FLI1: variants seen among roughly 807,000 people sequenced by gnomAD.
The protein encoded by FLI1 is Fli-1 proto-oncogene, ETS transcription factor.
In FLI1, 13 loss-of-function variants were observed where a neutral mutation model predicts 53.1. The ratio of observed to expected loss-of-function variants is 0.24; its 90% CI spans 0.16 to 0.39. The LOEUF is 0.39. FLI1 is among the 10% of genes least tolerant of loss of function. FLI1 has a pLI of 1.00. For missense variants in FLI1, 424 were observed against 600.5 expected (o/e 0.71, Z 3.07); for synonymous variants, 244 against 236.7 (o/e 1.03, Z -0.28).
intron 2 of FLI1, among the ~76,000 whole-genome samples, chr11:128,762,339 C>A (rs1417611349): frequency 6.6e-6 from 1 of 152,086 alleles, no homozygotes; most frequent in Non-Finnish European, 1.5e-5. Context: ...ATGAGAAAAC[C>A]AAGGCAGGGT....
At chr11:128,717,811 C>T (rs1682281509) in intron 1 of FLI1, among the ~76,000 whole-genome samples, 5 of 152,212 alleles carry the variant, frequency 3.3e-5, no homozygotes, top group African/African-American at 1.2e-4. Context: ...AAGATGTGGT[C>T]TACTACCTCT....
intron 4 of FLI1, among the ~76,000 whole-genome samples, chr11:128,776,942 T>G (rs571082687): frequency 1.3e-5 from 2 of 151,550 alleles, no homozygotes; most frequent in East Asian, 3.9e-4. Flanking sequence ...TTTTCTGTTG[T>G]CATTTGTACC....
At chr11:128,789,652 G>T (rs921076427) in intron 5 of FLI1, among the ~76,000 whole-genome samples, 1 of 152,206 alleles carries the variant, frequency 6.6e-6, no homozygotes, top group Non-Finnish European at 1.5e-5. Flanking sequence ...ATGCGCTCCC[G>T]GGTGCAGTAC....
chr11:128,731,736 G>A (rs1330209176), intron 1 of FLI1, among the ~76,000 whole-genome samples: 1 of 152,186 alleles, frequency 6.6e-6, no homozygotes. Context: ...GGGCGCAGCG[G>A]CTCAGGCCTG....
intron 1 of FLI1, among the ~76,000 whole-genome samples, chr11:128,737,515 C>T (rs893387613): frequency 6.6e-6 from 1 of 152,186 alleles, no homozygotes; most frequent in African/African-American, 2.4e-5. Flanking sequence ...AAACCATGAA[C>T]TCATCTGTGA....
At chr11:128,722,559 T>A (rs1194320701) in intron 1 of FLI1, among the ~76,000 whole-genome samples, 2 of 152,202 alleles carry the variant, frequency 1.3e-5, no homozygotes, top group Non-Finnish European at 2.9e-5. Context: ...ATCTTACCAT[T>A]TTTAACCTGT....
Position 128,786,831 on chromosome 11 carries a change from A to G in FLI1, c.655+4808A>G, listed in dbSNP as rs78513623. Among the ~76,000 whole-genome samples, 1,438 of 152,326 alleles carry G rather than the reference A, an allele frequency of 9.4e-3. 18 individuals carry two copies. Among genetic ancestry groups the G allele is most frequent in the African/African-American group, 0.033 (1,369 of 41,554 alleles). On this transcript the variant is annotated intron_variant, in intron 5 of 8. Transcript: ENST00000527786. ...TCTGTTTAAATACCTCTGACTTTCC[A>G]AAAGACAGAGGATATTGAGTTCCTT...
At chr11:128,687,845 G>A (rs955538236) in intron 1 of FLI1, among the ~76,000 whole-genome samples, 1 of 152,334 alleles carries the variant, frequency 6.6e-6, no homozygotes, top group East Asian at 1.9e-4. Context: ...GGCCCAAAAA[G>A]GGGTGTTTCA....
chr11:128,725,543 C>A (rs1357789417), intron 1 of FLI1, among the ~76,000 whole-genome samples: 1 of 152,208 alleles, frequency 6.6e-6, no homozygotes, highest in Admixed American at 6.5e-5. Context: ...GTCTAGGAAC[C>A]TTTCACCAAC....
intron 5 of FLI1, among the ~76,000 whole-genome samples, chr11:128,795,946 G>A (rs1942429369): frequency 6.6e-6 from 1 of 152,048 alleles, no homozygotes; most frequent in African/African-American, 2.4e-5. Flanking sequence ...TTAAATTTAG[G>A]AATAATCACA....
At position 128,772,897 on chromosome 11, in the gene FLI1, G is replaced by A. The variant is rs1941616423; in HGVS notation, c.501G>A (p.Leu167=). The part of the protein sequence containing the change: ...SFFQNMDGKE[L]CKMNKEDFLR... ...TCCAGAACATGGATGGCAAGGAACT[G>A]TGTAAAATGAACAAGGAGGACTTCC... Residue 167 remains leucine, a synonymous_variant, in exon 4 of 9, where the codon CTG becomes CTA. Coordinates refer to ENST00000527786, the MANE Select transcript of FLI1 (RefSeq NM_002017.5). The A allele has an allele frequency of 6.2e-7, 1 of 1,614,048 alleles. No individual in the cohort carries two copies. Among genetic ancestry groups the A allele is most frequent in the Non-Finnish European group, 8.5e-7 (1 of 1,179,872 alleles).
At chr11:128,732,777 A>G (rs1156444249) in intron 1 of FLI1, among the ~76,000 whole-genome samples, 1 of 152,246 alleles carries the variant, frequency 6.6e-6, no homozygotes. Context: ...CTAGTTACCA[A>G]AAAAGAAAGA....
intron 1 of FLI1, among the ~76,000 whole-genome samples, chr11:128,751,830 G>T (rs796332470): frequency 0.074 from 9,906 of 133,280 alleles, 685 homozygotes; most frequent in East Asian, 0.28. Flanking sequence ...TTTTGGGTTT[G>T]TTTTTTTTTT....
chr11:128,767,608 C>T (rs1941393948), intron 2 of FLI1, among the ~76,000 whole-genome samples: 1 of 152,228 alleles, frequency 6.6e-6, no homozygotes, highest in African/African-American at 2.4e-5. Flanking sequence ...ATTTGCTGCT[C>T]ACCTCCTGTA....
intron 1 of FLI1, among the ~76,000 whole-genome samples, chr11:128,714,583 C>A (rs1414681338): frequency 6.6e-6 from 1 of 152,110 alleles, no homozygotes; most frequent in Non-Finnish European, 1.5e-5. Flanking sequence ...GTTCCCTTTA[C>A]CTCATTATTA....
At chr11:128,798,084 C>T (rs1189743767) in intron 5 of FLI1, among the ~76,000 whole-genome samples, 1 of 152,170 alleles carries the variant, frequency 6.6e-6, no homozygotes, top group Non-Finnish European at 1.5e-5. Flanking sequence ...AACTGCCTCT[C>T]ATTTATCCTC....
At chr11:128,778,280 T>C (rs1044582844) in intron 4 of FLI1, among the ~76,000 whole-genome samples, 1 of 152,120 alleles carries the variant, frequency 6.6e-6, no homozygotes, top group Non-Finnish European at 1.5e-5. Flanking sequence ...TGAGACATTA[T>C]CGTGACGTGA....
intron 5 of FLI1, among the ~76,000 whole-genome samples, chr11:128,785,784 G>A (rs905480680): frequency 1.6e-4 from 25 of 152,182 alleles, no homozygotes; most frequent in Admixed American, 7.9e-4. Context: ...ACTCATAGGA[G>A]GTAACTGTCA....
At chr11:128,794,504 C>A (rs1273890172) in intron 5 of FLI1, among the ~76,000 whole-genome samples, 1 of 152,174 alleles carries the variant, frequency 6.6e-6, no homozygotes, top group Non-Finnish European at 1.5e-5. Flanking sequence ...TTGTGCCAGA[C>A]AGAGATCTAT....
Sources: allele counts gnomAD v4.1 joint callset (sites outside exome capture counted in the v4.1 genomes callset), GRCh38; gene constraint gnomAD v4.1.1; transcripts MANE v1.5; gene names NCBI Gene and HGNC (gene_info 2026-07-23, HGNC 2026-07-21).